KDM4B: variants seen among roughly 807,000 people sequenced by gnomAD.
KDM4B encodes lysine-specific demethylase 4B.
Under a neutral mutation model 125.2 loss-of-function variants are expected in KDM4B, and 32 were observed. The ratio of observed to expected loss-of-function variants is 0.26; its 90% CI spans 0.19 to 0.34. The LOEUF (loss-of-function observed/expected upper bound fraction) is 0.34. Among genes scored for constraint, KDM4B ranks in the 10% least tolerant of loss-of-function variants. The pLI is 1.00. For synonymous variants in KDM4B, 721 were observed against 677.9 expected, an observed-to-expected ratio of 1.06 and a Z score of -0.99; for missense variants, 1,190 against 1,577.7, an observed-to-expected ratio of 0.75 and a Z score of 4.16.
chr19:5,018,871 A>G (rs979436521), intron 2 of KDM4B, among the ~76,000 whole-genome samples: 5 of 151,866 alleles, frequency 3.3e-5, no homozygotes, highest in African/African-American at 4.8e-5. Flanking sequence ...GAGTTCATCC[A>G]CTCCGTGGCC....
intron 1 of KDM4B, among the ~76,000 whole-genome samples, chr19:5,003,707 G>A (rs1445178165): frequency 6.6e-6 from 1 of 152,118 alleles, no homozygotes; most frequent in Non-Finnish European, 1.5e-5. Flanking sequence ...TACTTGGGAG[G>A]CTGAGTTAGG....
At chr19:5,084,660 G>T (rs2038430092) in intron 9 of KDM4B, among the ~76,000 whole-genome samples, 1 of 146,878 alleles carries the variant, frequency 6.8e-6, no homozygotes, top group Admixed American at 6.9e-5. Flanking sequence ...AATTAAGATG[G>T]ATTTTGGCCG....
At chr19:5,122,143 G>C (rs1266152347) in intron 11 of KDM4B, among the ~76,000 whole-genome samples, 1 of 152,224 alleles carries the variant, frequency 6.6e-6, no homozygotes, top group Non-Finnish European at 1.5e-5. Flanking sequence ...GGGCAGGGCT[G>C]CTTCCTCCTG....
chr19:5,071,513 C>T (rs2037947652), intron 7 of KDM4B, among the ~76,000 whole-genome samples: 1 of 152,214 alleles, frequency 6.6e-6, no homozygotes, highest in African/African-American at 2.4e-5. Flanking sequence ...CGGCGTTTGC[C>T]CTTGTTCTGC....
In KDM4B at chr19:5,119,733, C is replaced by T. The variant is rs368897143; in HGVS notation, c.1196C>T (p.Ala399Val). The T allele has an allele frequency of 7.1e-6, 11 of 1,550,434 alleles. No homozygotes were observed. Among genetic ancestry groups the T allele is most frequent in the African/African-American group, 4.1e-5 (3 of 73,056 alleles). The change falls in exon 11 of 23, where the codon GCG becomes GTG. Residue 399 changes from alanine (A) to valine (V), a missense_variant. Transcript: ENST00000159111. ...KFPGEGTAGA[A>V]LLEEAGGSVK... Reference sequence around the variant, plus strand: ...CCTGGGGAGGGTACGGCTGGGGCAGCGCTCCTAGAGGAGGCTGGGGGCAGC... The same window carrying T: ...CCTGGGGAGGGTACGGCTGGGGCAGTGCTCCTAGAGGAGGCTGGGGGCAGC...
intron 2 of KDM4B, among the ~76,000 whole-genome samples, chr19:5,029,782 G>A (rs2036392768): frequency 6.6e-6 from 1 of 152,218 alleles, no homozygotes; most frequent in Non-Finnish European, 1.5e-5. Context: ...AACCGTGACC[G>A]TGCCACTGCA....
chr19:5,073,306 T>A (rs1372308744), intron 7 of KDM4B, among the ~76,000 whole-genome samples: 2 of 152,208 alleles, frequency 1.3e-5, no homozygotes, highest in Non-Finnish European at 2.9e-5. Context: ...ACCTCTGTCG[T>A]CCACACGGCA....
intron 1 of KDM4B, among the ~76,000 whole-genome samples, chr19:4,991,093 G>C (rs1286756888): frequency 2.6e-5 from 4 of 152,172 alleles, no homozygotes; most frequent in African/African-American, 9.7e-5. Flanking sequence ...ACTCCTGCCT[G>C]GGCGACAGAG....
At chr19:5,017,492 C>G (rs1473754319) in intron 2 of KDM4B, among the ~76,000 whole-genome samples, 16 of 152,170 alleles carry the variant, frequency 1.1e-4, no homozygotes, top group Admixed American at 1.0e-3. Flanking sequence ...TGCAGAAAAC[C>G]ATGCGCCTCC....
chr19:5,084,568 TTATA>T (rs202096862), intron 9 of KDM4B, among the ~76,000 whole-genome samples: 29,504 of 140,296 alleles, frequency 0.21, 4,146 homozygotes, highest in East Asian at 0.64. Flanking sequence ...ATTATATAAA[TTATA>T]TGTATTATAT....
chr19:5,022,476 A>C (rs1323379007), intron 2 of KDM4B, among the ~76,000 whole-genome samples: 3 of 152,058 alleles, frequency 2.0e-5, no homozygotes, highest in Admixed American at 2.0e-4. Flanking sequence ...TGAAGAAGTA[A>C]TGAGCTGCAA....
intron 3 of KDM4B, 141 bp downstream of exon 3, chr19:5,033,172 T>G: frequency 1.0e-6 from 1 of 974,430 alleles, no homozygotes; most frequent in South Asian, 1.6e-5. Context: ...CCAGCTCGTT[T>G]ACCAGCGCCT....
intron 1 of KDM4B, among the ~76,000 whole-genome samples, chr19:4,998,318 A>G (rs952010857): frequency 2.0e-5 from 3 of 152,236 alleles, no homozygotes; most frequent in African/African-American, 7.2e-5. Flanking sequence ...CTCTTCACCC[A>G]AACACTTCCC....
chr19:5,115,604 T>C lies in KDM4B; in HGVS notation c.1116-4049T>C, dbSNP rs1205729160. Reference sequence around the variant, plus strand: ...TCAACGGCCAGGGGACCCGACACATTGGAGGCTGCGCTCCCATGACAAAGG... The same window carrying C: ...TCAACGGCCAGGGGACCCGACACATCGGAGGCTGCGCTCCCATGACAAAGG... On this transcript the variant is annotated intron_variant, in intron 10 of 22. Coordinates refer to ENST00000159111, the MANE Select transcript of KDM4B (RefSeq NM_015015.3). This position sits in a 1 kb window ranked among gnomAD's most constrained non-coding sequence, Gnocchi z 4.2. Among the ~76,000 whole-genome samples the C allele has an allele frequency of 2.0e-5, 3 of 152,222 alleles. No individual in the cohort carries two copies. The highest frequency in any genetic ancestry group is 4.4e-5 in the Non-Finnish European group (3 of 68,034).
chr19:5,147,012 G>A (rs762174860), intron 21 of KDM4B, among the ~76,000 whole-genome samples: 10 of 150,696 alleles, frequency 6.6e-5, no homozygotes, highest in Non-Finnish European at 1.3e-4. Context: ...ACGGCAGGAT[G>A]GGTGGGGTCT....
intron 1 of KDM4B, among the ~76,000 whole-genome samples, chr19:5,002,496 T>C (rs1383276537): frequency 6.6e-6 from 1 of 151,824 alleles, no homozygotes; most frequent in Non-Finnish European, 1.5e-5. Flanking sequence ...TCCTTTCTTC[T>C]TTCTTTCTTT....
chr19:5,056,889 CGGGG>C (rs1568263842), intron 6 of KDM4B, among the ~76,000 whole-genome samples: 39 of 25,168 alleles, frequency 1.5e-3, no homozygotes, highest in Non-Finnish European at 2.4e-3. Flanking sequence ...GACGCTGGGG[CGGGG>C]AGTCCTGGGG....
chr19:5,065,449 C>A (rs1386392756), intron 6 of KDM4B, among the ~76,000 whole-genome samples: 2 of 152,158 alleles, frequency 1.3e-5, no homozygotes, highest in African/African-American at 2.4e-5. Context: ...AAATTATATT[C>A]AAAAATGCTG....
chr19:5,091,727 G>C (rs370857738), intron 9 of KDM4B, among the ~76,000 whole-genome samples: 3 of 151,042 alleles, frequency 2.0e-5, no homozygotes, highest in Admixed American at 1.3e-4. Context: ...GGGAGCCCAG[G>C]GGGAGGCGGC....
Sources: allele counts gnomAD v4.1 joint callset (sites outside exome capture counted in the v4.1 genomes callset), GRCh38; gene constraint gnomAD v4.1.1; non-coding constraint Gnocchi (gnomAD v3.1); transcripts MANE v1.5; gene names NCBI Gene and HGNC (gene_info 2026-07-23, HGNC 2026-07-21).